The following STAG1 variants were observed in gnomAD, a reference collection of about 807,000 sequenced individuals.
The protein encoded by STAG1 is STAG1 cohesin complex component.
A neutral mutation model predicts 170.9 loss-of-function variants in STAG1; 26 were observed. That is an observed-to-expected ratio of 0.15 (90% CI 0.11 to 0.21). The LOEUF (loss-of-function observed/expected upper bound fraction) is 0.21, where lower values mean the gene tolerates loss of function less well. Ranked by LOEUF, STAG1 falls within the 10% of genes least tolerant of loss-of-function variation. The pLI, the probability that STAG1 is intolerant of heterozygous loss-of-function variation, is 1.00. For missense variants in STAG1, 964 were observed against 1,509.5 expected, an observed-to-expected ratio of 0.64 and a Z score of 5.99; for synonymous variants, 514 against 497.7, an observed-to-expected ratio of 1.03 and a Z score of -0.44.
chr3:136,370,056 CTA>C (rs1937241356), intron 23 of STAG1, among the ~76,000 whole-genome samples: 2 of 2,288 alleles, frequency 8.7e-4, no homozygotes, highest in African/African-American at 4.0e-3. Context: ...ATTTACTATA[CTA>C]TACTATACTA....
chr3:136,640,210 T>C (rs773820557), intron 1 of STAG1, among the ~76,000 whole-genome samples: 3 of 152,228 alleles, frequency 2.0e-5, no homozygotes, highest in Admixed American at 6.5e-5. Context: ...TGGTTCATTA[T>C]TTTGTTGATT....
At chr3:136,646,271 G>A (rs544028734) in intron 1 of STAG1, among the ~76,000 whole-genome samples, 1 of 152,202 alleles carries the variant, frequency 6.6e-6, no homozygotes, top group South Asian at 2.1e-4. Flanking sequence ...TTACAGGCAT[G>A]AGCCACCATG....
At chr3:136,459,579 A>C (rs368309654) in intron 13 of STAG1, among the ~76,000 whole-genome samples, 2 of 152,222 alleles carry the variant, frequency 1.3e-5, no homozygotes, top group Non-Finnish European at 2.9e-5. Flanking sequence ...TCATTTTTCT[A>C]GTAGCAAATG....
chr3:136,729,502 C>T (rs1054383579), intron 1 of STAG1, among the ~76,000 whole-genome samples: 2 of 151,030 alleles, frequency 1.3e-5, no homozygotes, highest in East Asian at 1.9e-4. Context: ...AGAGGTTAGT[C>T]TAACAATTAC....
At chr3:136,747,346 G>C (rs1934994644) in intron 1 of STAG1, among the ~76,000 whole-genome samples, 1 of 151,626 alleles carries the variant, frequency 6.6e-6, no homozygotes, top group South Asian at 2.1e-4. Context: ...CTGACGCAAT[G>C]ATTGTGTGAC....
rs1374255407 is a variant in STAG1, at chr3:136,484,024, A to C, written c.903-6612T>G. Among the ~76,000 whole-genome samples the C allele has an allele frequency of 1.3e-4, 12 of 94,294 alleles. No homozygotes were observed. In the Admixed American group the frequency reaches 1.3e-3, roughly 10 times the overall value. The allele number at this position is 94,294 out of a possible 152,430, so 61.9% of individuals were successfully genotyped here. On this transcript the variant is annotated intron_variant, in intron 9 of 33. Transcript: ENST00000383202. ...TTCAACTTCTTTGCCTTTGGTTTGA[A>C]TGTCCTCCCGTAGCTCAGAGTAATT...
At chr3:136,681,659 T>C (rs76921464) in intron 1 of STAG1, among the ~76,000 whole-genome samples, 4,496 of 152,208 alleles carry the variant, frequency 0.03, 75 homozygotes, top group Middle Eastern at 0.051. Flanking sequence ...ACTAGCAAAC[T>C]GAACTCAACC....
intron 19 of STAG1, 44 bp from the exon 20 acceptor site, chr3:136,421,207 T>G (rs776574334): frequency 3.1e-6 from 4 of 1,278,124 alleles, no homozygotes; most frequent in Non-Finnish European, 4.4e-6. Context: ...TTTACTCACC[T>G]TATAGTATAT....
intron 12 of STAG1, among the ~76,000 whole-genome samples, chr3:136,466,214 G>A (rs749863604): frequency 2.0e-5 from 3 of 152,162 alleles, no homozygotes; most frequent in South Asian, 2.1e-4. Context: ...TCAGCTAAAG[G>A]AGGAAGTTGG....
intron 1 of STAG1, among the ~76,000 whole-genome samples, chr3:136,692,068 A>G (rs1942743859): frequency 2.0e-5 from 3 of 152,202 alleles, no homozygotes. Flanking sequence ...TAATCCCAGT[A>G]CTTTGGGAGG....
chr3:136,560,903 C>G (rs1287335311), intron 5 of STAG1, among the ~76,000 whole-genome samples: 1 of 152,006 alleles, frequency 6.6e-6, no homozygotes, highest in African/African-American at 2.4e-5. Flanking sequence ...TTGGTGATAC[C>G]ACTTCTAGCC....
chr3:136,622,294 G>A (rs891540176), intron 3 of STAG1, among the ~76,000 whole-genome samples: 18 of 152,084 alleles, frequency 1.2e-4, no homozygotes, highest in Non-Finnish European at 5.9e-5. Context: ...ACTCCAGCCT[G>A]GGCAACAGAG....
chr3:136,677,434 C>CTA (rs1942159061), intron 1 of STAG1, among the ~76,000 whole-genome samples: 1 of 152,110 alleles, frequency 6.6e-6, no homozygotes, highest in Non-Finnish European at 1.5e-5. Context: ...TGACATATGA[C>CTA]TATATATAAA....
chr3:136,737,284 A>T (rs1934396442), intron 1 of STAG1: 2 of 485,712 alleles, frequency 4.1e-6, no homozygotes, highest in East Asian at 9.3e-5. Flanking sequence ...TTGTATTCTT[A>T]GTAGAGATGG....
intron 4 of STAG1, among the ~76,000 whole-genome samples, chr3:136,576,735 A>G (rs1466810091): frequency 6.6e-6 from 1 of 152,194 alleles, no homozygotes; most frequent in Non-Finnish European, 1.5e-5. Context: ...TAAAAGATAA[A>G]TCAATTCAAT....
chr3:136,607,488 T>A (rs1309635163), intron 3 of STAG1, among the ~76,000 whole-genome samples: 2 of 152,130 alleles, frequency 1.3e-5, no homozygotes, highest in Non-Finnish European at 2.9e-5. Context: ...CTGCAACCTC[T>A]GCCTCCTGGG....
At chr3:136,434,670 C>T (rs1384334776) in intron 15 of STAG1, among the ~76,000 whole-genome samples, 2 of 152,180 alleles carry the variant, frequency 1.3e-5, no homozygotes, top group African/African-American at 2.4e-5. Context: ...TAAAAAGCCA[C>T]GTCTGTCTCC....
At chr3:136,369,410 A>T in intron 23 of STAG1, 128 bp from the exon 24 acceptor site, 1 of 655,144 alleles carries the variant, frequency 1.5e-6, no homozygotes, top group Non-Finnish European at 2.3e-6. Context: ...TCAGTATTTA[A>T]ATTCCAAATA....
chr3:136,565,869 G>A (rs1937058820), intron 5 of STAG1, among the ~76,000 whole-genome samples: 1 of 152,180 alleles, frequency 6.6e-6, no homozygotes, highest in Non-Finnish European at 1.5e-5. Context: ...AACTACTGAT[G>A]CATGCTACAA....
Sources: gnomAD v4.1 joint callset for allele counts (sites outside exome capture counted in the v4.1 genomes callset) on GRCh38, gnomAD v4.1.1 for gene constraint, MANE v1.5 for transcripts, NCBI Gene and HGNC (gene_info 2026-07-23, HGNC 2026-07-21) for gene names.